Variants in NCAPD2 observed in about 807,000 individuals in gnomAD.
The protein encoded by NCAPD2 is non-SMC condensin I complex subunit D2, also known as condensin complex subunit 1.
NCAPD2 carries 100 observed loss-of-function variants against 164.5 expected under a neutral mutation model. That is an observed-to-expected ratio of 0.61 (90% CI 0.52 to 0.72). The LOEUF (loss-of-function observed/expected upper bound fraction) is 0.72. NCAPD2 is among the 30% of genes least tolerant of loss of function. The pLI is 0.00. For missense variants in NCAPD2, 1,560 were observed against 1,749.2 expected (o/e 0.89, Z 1.93); for synonymous variants, 585 against 642.6 (o/e 0.91, Z 1.36).
rs764211658 is a variant in NCAPD2 at position 6,526,399 on chromosome 12, G to T, written c.2566+28G>T. 5.6e-6 allele frequency: 9 copies of T among 1,614,166 alleles called. No homozygotes were observed. In the East Asian group the frequency reaches 2.0e-4, roughly 36 times the overall value. The stretch of plus-strand genomic sequence containing the variant: ...GAGCTCTCAGGGAAGGCCTTGGGCA[G>T]AATTGGGCCCTTTGTTGCAGTAAAC... On this transcript the variant is annotated intron_variant, in intron 20 of 31. Coordinates refer to ENST00000315579, the MANE Select transcript of NCAPD2 (RefSeq NM_014865.4).
intron 1 of NCAPD2, among the ~76,000 whole-genome samples, chr12:6,494,553 C>A (rs189052845): frequency 7.2e-4 from 110 of 152,336 alleles, no homozygotes; most frequent in Non-Finnish European, 1.1e-3. Flanking sequence ...AATGCTCTTA[C>A]CATTCTGGTG....
chr12:6,499,514 A>G (rs1283810608), intron 2 of NCAPD2, among the ~76,000 whole-genome samples: 4 of 152,184 alleles, frequency 2.6e-5, no homozygotes, highest in East Asian at 1.9e-4. Context: ...CAGCCTCCCA[A>G]GTGGCTGGAA....
Position 6,511,255 on chromosome 12 carries a change from G to A in NCAPD2, c.587+3G>A. The A allele has an allele frequency of 6.2e-7, 1 of 1,614,070 alleles. No individual in the cohort carries two copies. Among genetic ancestry groups the A allele is most frequent in the Non-Finnish European group, 8.5e-7 (1 of 1,179,956 alleles). ...ATAATTGAAGAAGAATTTGTCAGGT[G>A]GGTAGGGAGGATGGCTACAGATAAT... On this transcript the variant is annotated splice_donor_region_variant and intron_variant, in intron 6 of 31. Coordinates refer to ENST00000315579, the MANE Select transcript of NCAPD2 (RefSeq NM_014865.4).
chr12:6,523,255 C>G lies in NCAPD2; in HGVS notation c.2130-7C>G, dbSNP rs1372629841. 6.2e-7 allele frequency: 1 copy of G among 1,613,502 alleles called. No individual in the cohort carries two copies. Among genetic ancestry groups the G allele is most frequent in the East Asian group, 2.2e-5 (1 of 44,886 alleles). ...ATAGTGACCGCTGATCTCTGCTGTT[C>G]CCACAGAGCCAAGGCCCAGGCTTTG... On this transcript the variant is annotated splice_polypyrimidine_tract_variant and splice_region_variant and intron_variant, in intron 16 of 31. Coordinates refer to ENST00000315579, the MANE Select transcript of NCAPD2 (RefSeq NM_014865.4).
chr12:6,500,737 G>A (rs914775446), intron 2 of NCAPD2, among the ~76,000 whole-genome samples: 3 of 152,156 alleles, frequency 2.0e-5, no homozygotes, highest in East Asian at 1.9e-4. Context: ...CGTAGATCAT[G>A]GCAAAAACTT....
chr12:6,512,398 A>G lies in NCAPD2; in HGVS notation c.587+1146A>G, dbSNP rs535504370. Among the ~76,000 whole-genome samples the G allele has an allele frequency of 5.3e-4, 81 of 152,316 alleles. 1 individual carries two copies. Among genetic ancestry groups the G allele is most frequent in the African/African-American group, 1.9e-3 (81 of 41,568 alleles). ...AGCAAAGACCCAGAGGAGGTGACTG[A>G]GAGCTATGAGAATATGTGGAGGAAT... On this transcript the variant is annotated intron_variant, in intron 6 of 31. Coordinates refer to ENST00000315579, the MANE Select transcript of NCAPD2 (RefSeq NM_014865.4).
At position 6,525,666 on chromosome 12, in the gene NCAPD2, C is replaced by T; in HGVS notation, c.2298C>T (p.Cys766=). ...AGCGGGCCACCGAGAAGGTCGCCTG[C>T]TGTCCTCTGGAGCGCTGTTCCTCTG... The part of the protein sequence containing the change: ...LWERATEKVA[C]CPLERCSSVM... The change falls in exon 18 of 32, where the codon TGC becomes TGT. Residue 766 remains cysteine (C), a synonymous_variant. Coordinates refer to ENST00000315579, the MANE Select transcript of NCAPD2 (RefSeq NM_014865.4). 1.2e-6 allele frequency: 2 copies of T among 1,613,688 alleles called. No homozygotes were observed. The highest frequency in any genetic ancestry group is 1.7e-6 in the Non-Finnish European group (2 of 1,179,998).
At chr12:6,496,976 T>C (rs1565537606) in intron 2 of NCAPD2, among the ~76,000 whole-genome samples, 1 of 152,224 alleles carries the variant, frequency 6.6e-6, no homozygotes, top group Non-Finnish European at 1.5e-5. Context: ...GACACCACTG[T>C]CGCATATGTG....
At chr12:6,512,441 G>A (rs1346734874) in intron 6 of NCAPD2, among the ~76,000 whole-genome samples, 1 of 152,192 alleles carries the variant, frequency 6.6e-6, no homozygotes. Flanking sequence ...GCAGGGAAAA[G>A]GAATAGCATA....
rs750160826 is a variant in NCAPD2, at chr12:6,527,038, A to G, written c.2882A>G (p.His961Arg). 5.0e-6 allele frequency: 8 copies of G among 1,612,960 alleles called. No individual in the cohort carries two copies. Among genetic ancestry groups the G allele is most frequent in the Non-Finnish European group, 6.8e-6 (8 of 1,179,274 alleles). Reference protein sequence around the residue: ...RRRVLREEQEHKTKDPKEKNT... With the variant: ...RRRVLREEQERKTKDPKEKNT... ...CGAGTTCTCCGGGAAGAACAGGAGC[A>G]CAAGACCAAAGATCCCAAGGAGAAG... The change falls in exon 22 of 32, where the codon CAC (histidine) becomes CGC (arginine). Residue 961 changes from histidine (H) to arginine (R), a missense_variant. His to Arg is a conservative substitution (Grantham distance 29, BLOSUM62 0). Coordinates refer to ENST00000315579, the MANE Select transcript of NCAPD2 (RefSeq NM_014865.4).
At chr12:6,514,141 G>C (rs1216049542) in intron 6 of NCAPD2, 124 bp from the exon 7 acceptor site, 4 of 1,322,484 alleles carry the variant, frequency 3.0e-6, no homozygotes, top group Non-Finnish European at 4.2e-6. Context: ...GTTATAGAAA[G>C]TAATGGCTAG....
chr12:6,503,639 C>T (rs545022119), intron 2 of NCAPD2, among the ~76,000 whole-genome samples: 17 of 152,128 alleles, frequency 1.1e-4, no homozygotes, highest in Admixed American at 3.3e-4. Context: ...GGTGTGGTGA[C>T]GCGTGCCTGT....
At chr12:6,525,432 C>G in intron 17 of NCAPD2, 151 bp from the exon 18 acceptor site, 1 of 831,050 alleles carries the variant, frequency 1.2e-6, no homozygotes, top group Non-Finnish European at 1.8e-6. Flanking sequence ...TCTCAAGACC[C>G]TGCTGTACAT....
Position 6,531,189 on chromosome 12 carries a change from C to T in NCAPD2, c.4120+113C>T, listed in dbSNP as rs904454606. The T allele has an allele frequency of 8.0e-6, 12 of 1,493,754 alleles. No homozygotes were observed. The highest frequency in any genetic ancestry group is 4.5e-5 in the East Asian group (2 of 44,178). The allele number at this position is 1,493,754 out of a possible 1,614,324, so 92.5% of individuals were successfully genotyped here. A position where few individuals can be genotyped will look rare whatever the true frequency, so the allele number is the denominator to read the frequency against. On this transcript the variant is annotated intron_variant, in intron 31 of 31. Coordinates refer to ENST00000315579, the MANE Select transcript of NCAPD2 (RefSeq NM_014865.4). This position sits in a 1 kb window ranked among gnomAD's most constrained non-coding sequence, Gnocchi z 4.1. ...GAGTGTAGATGCTCTGCCCCACTGC[C>T]GCAGAAGGGCCTCTCCTGTACAGCT...
At position 6,526,306 on chromosome 12, in the gene NCAPD2, A is replaced by AC. The variant is rs772347389; in HGVS notation, c.2508dup (p.Phe837LeufsTer11). On this transcript the variant is annotated frameshift_variant, in exon 20 of 32. Transcript: ENST00000315579. LOFTEE classifies it high-confidence loss of function. ...CCACAGCCTTCTCTGGGCAAACGTCACCCCCCCTTCCGGCTGCCTCAGGAA... is the reference window on the plus strand; with the variant it reads ...CCACAGCCTTCTCTGGGCAAACGTCACCCCCCCCTTCCGGCTGCCTCAGGAA... 13 of 1,613,524 alleles carry AC rather than the reference A, an allele frequency of 8.1e-6. No individual in the cohort carries two copies. Among genetic ancestry groups the AC allele is most frequent in the East Asian group, 2.2e-5 (1 of 44,868 alleles).
In NCAPD2 at chr12:6,521,051, T is replaced by C. The variant is rs750308942; in HGVS notation, c.1655T>C (p.Ile552Thr). Residue 552 changes from isoleucine to threonine, a missense_variant, in exon 14 of 32, where the codon ATA (isoleucine) becomes ACA (threonine). Coordinates refer to ENST00000315579, the MANE Select transcript of NCAPD2 (RefSeq NM_014865.4). ...HFQESEPFSHIDPEESEETRL... is the reference protein window; with the variant it reads ...HFQESEPFSHTDPEESEETRL... ...CAGGAGTCCGAACCCTTCAGTCATA[T>C]AGACCCAGAGGAGTCAGAGGAGACC... The C allele has an allele frequency of 6.2e-6, 10 of 1,614,222 alleles. No homozygotes were observed. The South Asian group carries it at 7.7e-5, about 12-fold the overall frequency.
intron 29 of NCAPD2, 114 bp downstream of exon 29, chr12:6,530,072 G>A: frequency 1.7e-6 from 2 of 1,209,660 alleles, no homozygotes; most frequent in Non-Finnish European, 2.3e-6. Flanking sequence ...CTTATCCCCA[G>A]CTGGGTTGCA....
At chr12:6,511,385 C>T (rs892852434) in intron 6 of NCAPD2, 133 bp downstream of exon 6, 183 of 1,088,538 alleles carry the variant, frequency 1.7e-4, no homozygotes, top group Middle Eastern at 6.1e-4. Context: ...CAGGCTGGAG[C>T]GCAGTGGTTC....
rs1389070012 is a variant in NCAPD2 at position 6,517,648 on chromosome 12, A to C, written c.1373A>C (p.Gln458Pro). Residue 458 changes from glutamine to proline, a missense_variant, in exon 12 of 32, where the codon CAA (glutamine) becomes CCA (proline). Gln to Pro is a moderately conservative substitution (Grantham distance 76, BLOSUM62 -1). Coordinates refer to ENST00000315579, the MANE Select transcript of NCAPD2 (RefSeq NM_014865.4). ...GPLQKETQKL[Q>P]EMRAQRRTAA... ...CTGCAGAAGGAGACCCAGAAATTAC[A>C]AGAGATGAGGGCCCAGAGGCGAACT... is the stretch of plus-strand genomic sequence containing the variant. 5 of 1,614,220 alleles carry C rather than the reference A, an allele frequency of 3.1e-6. No individual in the cohort carries two copies. In the Admixed American group the frequency reaches 8.3e-5, roughly 27 times the overall value.
Sources: allele counts gnomAD v4.1 joint callset (sites outside exome capture counted in the v4.1 genomes callset), GRCh38; gene constraint gnomAD v4.1.1; non-coding constraint Gnocchi (gnomAD v3.1); transcripts MANE v1.5; gene names NCBI Gene and HGNC (gene_info 2026-07-23, HGNC 2026-07-21).